Variants in KCNIP1 observed in about 807,000 individuals in gnomAD.
KCNIP1 encodes A-type potassium channel modulatory protein KCNIP1.
KCNIP1 carries 18 observed loss-of-function variants against 33.0 expected under a neutral mutation model. The ratio of observed to expected loss-of-function variants is 0.55; its 90% CI spans 0.38 to 0.81. The LOEUF is 0.81. KCNIP1 is among the 30% of genes least tolerant of loss of function. The probability of loss-of-function intolerance (pLI) is 0.00; values close to 1 mark genes in which losing one functional copy is unlikely to be tolerated. For missense variants in KCNIP1, 238 were observed against 271.6 expected, an observed-to-expected ratio of 0.88 and a Z score of 0.87; for synonymous variants, 93 against 98.3, an observed-to-expected ratio of 0.95 and a Z score of 0.32.
intron 1 of KCNIP1, among the ~76,000 whole-genome samples, chr5:170,392,728 G>A (rs1032817413): frequency 5.9e-5 from 9 of 152,222 alleles, no homozygotes; most frequent in Non-Finnish European, 1.0e-4. Context: ...GGAAGCCGAG[G>A]CATGAAAATC....
At chr5:170,384,001 T>C in intron 1 of KCNIP1, 1 of 737,136 alleles carries the variant, frequency 1.4e-6, no homozygotes, top group Non-Finnish European at 2.2e-6. Context: ...TAAAGGCACA[T>C]GACCCCACAG....
intron 5 of KCNIP1, among the ~76,000 whole-genome samples, chr5:170,729,010 G>A (rs6876375): frequency 0.35 from 53,638 of 151,760 alleles, 10,697 homozygotes; most frequent in Non-Finnish European, 0.46. Context: ...TCATAATAAA[G>A]GGAGCATATT....
intron 1 of KCNIP1, among the ~76,000 whole-genome samples, chr5:170,478,597 G>C (rs957442167): frequency 6.6e-6 from 1 of 152,170 alleles, no homozygotes; most frequent in Admixed American, 6.5e-5. Flanking sequence ...ACCATGGTCA[G>C]TTTCCCCGGG....
At position 170,513,048 on chromosome 5, in the gene KCNIP1, T is replaced by C. The variant is rs1242901515; in HGVS notation, c.61+8415T>C. On this transcript the variant is annotated intron_variant, in intron 1 of 7. Coordinates refer to ENST00000328939, the MANE Select transcript of KCNIP1 (RefSeq NM_014592.4). ...CTGGGCGACAGAGCGAGACTCCATC[T>C]TGGAAAAAAAAAAAAAACCTCAACT... 1.0e-3 allele frequency among the ~76,000 whole-genome samples: 151 copies of C among 146,698 alleles called. 1 individual carries two copies. Among genetic ancestry groups the C allele is most frequent in the Non-Finnish European group, 1.2e-3 (84 of 67,216 alleles).
intron 1 of KCNIP1, among the ~76,000 whole-genome samples, chr5:170,622,893 C>T (rs1374031573): frequency 2.0e-5 from 3 of 152,154 alleles, no homozygotes; most frequent in African/African-American, 4.8e-5. Context: ...CACCAGAAAC[C>T]GGTTTTGGTT....
At chr5:170,724,671 C>A (rs1300676947) in intron 5 of KCNIP1, among the ~76,000 whole-genome samples, 1 of 152,124 alleles carries the variant, frequency 6.6e-6, no homozygotes, top group African/African-American at 2.4e-5. Flanking sequence ...TTACAAAAAT[C>A]ATTTATAATT....
intron 1 of KCNIP1, among the ~76,000 whole-genome samples, chr5:170,652,926 C>G (rs1459641319): frequency 2.0e-5 from 3 of 152,210 alleles, no homozygotes; most frequent in African/African-American, 7.2e-5. Flanking sequence ...CCTGCAAAAC[C>G]AACAAAAAAA....
intron 1 of KCNIP1, among the ~76,000 whole-genome samples, chr5:170,647,468 C>T (rs1248084200): frequency 6.6e-6 from 1 of 151,840 alleles, no homozygotes; most frequent in Non-Finnish European, 1.5e-5. Context: ...GAAATAGACC[C>T]ACATGAATAG....
chr5:170,700,468 C>T (rs746302952), intron 1 of KCNIP1, among the ~76,000 whole-genome samples: 1 of 152,312 alleles, frequency 6.6e-6, no homozygotes, highest in South Asian at 2.1e-4. Flanking sequence ...ACTCAGGAGG[C>T]TGAGATGAAA....
At chr5:170,560,071 T>C (rs1756981295) in intron 1 of KCNIP1, among the ~76,000 whole-genome samples, 1 of 152,178 alleles carries the variant, frequency 6.6e-6, no homozygotes, top group Admixed American at 6.5e-5. Context: ...GCAATGTAGA[T>C]GCTTCCTAAA....
At chr5:170,431,207 G>T (rs76916907) in intron 1 of KCNIP1, among the ~76,000 whole-genome samples, 1,573 of 152,348 alleles carry the variant, frequency 0.01, 29 homozygotes, top group African/African-American at 0.036. Flanking sequence ...GCTGGCGGAG[G>T]AGCCAGAAGG....
chr5:170,598,910 T>TGTGTGCGC (rs1758574794), intron 1 of KCNIP1, among the ~76,000 whole-genome samples: 1 of 140,736 alleles, frequency 7.1e-6, no homozygotes. Context: ...TGCGCGTGTG[T>TGTGTGCGC]GTGTGTGTGT....
upstream of KCNIP1, among the ~76,000 whole-genome samples, chr5:170,501,826 G>C (rs1757418949): frequency 6.6e-6 from 1 of 152,192 alleles, no homozygotes; most frequent in Non-Finnish European, 1.5e-5. Context: ...ATATCCCACT[G>C]GGTCCTCTAG....
chr5:170,637,272 C>A (rs776064266), intron 1 of KCNIP1, among the ~76,000 whole-genome samples: 1 of 152,092 alleles, frequency 6.6e-6, no homozygotes, highest in Non-Finnish European at 1.5e-5. Flanking sequence ...CTCCTCAGAC[C>A]CCGAGTGTCT....
chr5:170,367,403 AAG>A (rs1763708276), intron 1 of KCNIP1, among the ~76,000 whole-genome samples: 1 of 127,196 alleles, frequency 7.9e-6, no homozygotes, highest in African/African-American at 3.2e-5. Flanking sequence ...GAAAGAAAGA[AAG>A]AAAGAAAGAA....
intron 1 of KCNIP1, among the ~76,000 whole-genome samples, chr5:170,367,688 T>C (rs915334304): frequency 1.2e-4 from 18 of 152,212 alleles, no homozygotes; most frequent in Admixed American, 5.2e-4. Context: ...CATCTGTCAC[T>C]CCCTTTCCAC....
intron 1 of KCNIP1, among the ~76,000 whole-genome samples, chr5:170,685,956 T>C (rs1168283834): frequency 2.6e-5 from 4 of 152,236 alleles, no homozygotes; most frequent in Non-Finnish European, 5.9e-5. Flanking sequence ...TTTTTATTTA[T>C]ATTCAATTAC....
intron 1 of KCNIP1, among the ~76,000 whole-genome samples, chr5:170,671,449 C>T (rs1761919321): frequency 6.6e-6 from 1 of 152,166 alleles, no homozygotes; most frequent in South Asian, 2.1e-4. Context: ...TCCTTCAGCT[C>T]TTAGTTGAAG....
chr5:170,618,506 A>G (rs1455455504), intron 1 of KCNIP1, among the ~76,000 whole-genome samples: 149 of 51,794 alleles, frequency 2.9e-3, no homozygotes, highest in Non-Finnish European at 4.2e-3. Context: ...GAGGGAGGAA[A>G]GGAGGAAGGA....
Sources: gnomAD v4.1 joint callset for allele counts (sites outside exome capture counted in the v4.1 genomes callset) on GRCh38, gnomAD v4.1.1 for gene constraint, MANE v1.5 for transcripts, NCBI Gene and HGNC (gene_info 2026-07-23, HGNC 2026-07-21) for gene names.